The following EP400 variants were observed in gnomAD, a reference collection of about 807,000 sequenced individuals.
EP400 encodes E1A binding protein p400.
EP400 carries 105 observed loss-of-function variants against 354.1 expected under a neutral mutation model. That is an observed-to-expected ratio of 0.30 (90% confidence interval 0.25 to 0.35). The LOEUF (loss-of-function observed/expected upper bound fraction) is 0.35. Ranked by LOEUF, EP400 falls within the 10% of genes least tolerant of loss-of-function variation. EP400 has a pLI of 1.00. For synonymous variants in EP400, 1,646 were observed against 1,716.9 expected (o/e 0.96, Z 1.02); for missense variants, 3,280 against 4,121.0 (o/e 0.80, Z 5.59).
chr12:132,043,584 AG>A (rs1446589210), intron 33 of EP400, 60 bp from the exon 34 acceptor site: 7 of 1,581,014 alleles, frequency 4.4e-6, no homozygotes, highest in Non-Finnish European at 6.0e-6. Flanking sequence ...GGATTGTATA[AG>A]GAACTTGACT....
Position 132,050,808 on chromosome 12 carries a change from C to A in EP400, c.7394+153C>A. 1.1e-6 allele frequency: 1 copy of A among 885,950 alleles called. No homozygotes were observed. Among genetic ancestry groups the A allele is most frequent in the Non-Finnish European group, 1.8e-6 (1 of 556,788 alleles). 54.9% of individuals were successfully genotyped at this position (885,950 alleles called of 1,614,324 possible). ...GCGCAGAACCTGCAGGAGAGAGGTG[C>A]TTTTCCTGCCGTGGGCTAGGGTATG... On this transcript the variant is annotated intron_variant, in intron 41 of 52. Transcript: ENST00000389561. This position sits in a 1 kb window ranked among gnomAD's most constrained non-coding sequence, Gnocchi z 4.8.
At chr12:132,047,641 C>T (rs145817681) in intron 39 of EP400, among the ~76,000 whole-genome samples, 216 of 152,226 alleles carry the variant, frequency 1.4e-3, no homozygotes, top group African/African-American at 5.0e-3. Flanking sequence ...GGAGGCAGGG[C>T]GAGATCACAG....
chr12:131,963,735 T>C (rs1028809202), intron 2 of EP400: 5 of 929,618 alleles, frequency 5.4e-6, no homozygotes, highest in Admixed American at 5.9e-5. Context: ...CTCTTCAGCA[T>C]TTTTTTTCCA....
chr12:131,984,943 A>T (rs948507252), intron 5 of EP400, among the ~76,000 whole-genome samples: 2 of 152,162 alleles, frequency 1.3e-5, no homozygotes, highest in Non-Finnish European at 2.9e-5. Flanking sequence ...TCTCCTTAAG[A>T]ACAACAGTAG....
chr12:132,015,052 G>A (rs895755804), intron 19 of EP400, among the ~76,000 whole-genome samples: 4 of 152,250 alleles, frequency 2.6e-5, no homozygotes, highest in Non-Finnish European at 4.4e-5. Flanking sequence ...GTGCACTCAT[G>A]GGCTCGCCAG....
intron 12 of EP400, among the ~76,000 whole-genome samples, chr12:131,998,413 T>C (rs1198467975): frequency 6.6e-6 from 1 of 152,186 alleles, no homozygotes; most frequent in Non-Finnish European, 1.5e-5. Flanking sequence ...ATGATCAAAA[T>C]ATAGTTCTCC....
rs1420853235 is a variant in EP400 at position 132,011,634 on chromosome 12, G to C, written c.3441G>C (p.Gln1147His). Reference sequence around the variant, plus strand: ...ACAGAGAACTCAAAGCAAAGAGACAGGTATTTTTTTTTTAAACATAAAATA... The same window carrying C: ...ACAGAGAACTCAAAGCAAAGAGACACGTATTTTTTTTTTAAACATAAAATA... ...GSHRELKAKR[Q>H]EWAEPNSFHV... Residue 1147 changes from glutamine to histidine, a missense_variant and splice_region_variant, in exon 16 of 53, where the codon CAG (glutamine) becomes CAC (histidine). Transcript: ENST00000389561. 6.3e-7 allele frequency: 1 copy of C among 1,587,376 alleles called. No individual in the cohort carries two copies. Among genetic ancestry groups the C allele is most frequent in the Non-Finnish European group, 8.5e-7 (1 of 1,171,892 alleles).
At position 131,992,211 on chromosome 12, in the gene EP400, A is replaced by G. The variant is rs778858112; in HGVS notation, c.2718A>G (p.Ile906Met). The change falls in exon 11 of 53, where the codon ATA (isoleucine) becomes ATG (methionine). Residue 906 changes from isoleucine to methionine, a missense_variant. Transcript: ENST00000389561. Reference sequence around the variant, plus strand: ...CTGGAAGAAAAAGAAAAGCTAGCATATCTTTGACTGATGACGAAGGTCTGT... The same window carrying G: ...CTGGAAGAAAAAGAAAAGCTAGCATGTCTTTGACTGATGACGAAGGTCTGT... ...GMSGRKRKAS[I>M]SLTDDEVDDE... 1.2e-5 allele frequency: 19 copies of G among 1,610,552 alleles called. No individual in the cohort carries two copies. The South Asian group carries it at 2.0e-4, about 17-fold the overall frequency.
In EP400 at chr12:132,006,607, G is replaced by C. The variant is rs545525913; in HGVS notation, c.3127-93G>C. 1.0e-4 allele frequency: 131 copies of C among 1,269,188 alleles called. No homozygotes were observed. In the South Asian group the frequency reaches 1.8e-3, roughly 18 times the overall value. 78.6% of individuals were successfully genotyped at this position (1,269,188 alleles called of 1,614,324 possible). ...AGATCATTTTTGTGGCTTTCTAATT[G>C]GTTTATCATGTGACTGTTGATTTCA... On this transcript the variant is annotated intron_variant, in intron 14 of 52. Transcript: ENST00000389561.
chr12:131,987,671 G>GCC (rs1204734296), intron 6 of EP400, 34 bp from the exon 7 acceptor site: 1 of 1,527,322 alleles, frequency 6.5e-7, no homozygotes, highest in Non-Finnish European at 8.8e-7. Flanking sequence ...CTCATCACAT[G>GCC]CCGACCCCAC....
intron 2 of EP400, among the ~76,000 whole-genome samples, chr12:131,962,695 G>A (rs1214043732): frequency 6.6e-6 from 1 of 152,184 alleles, no homozygotes; most frequent in South Asian, 2.1e-4. Flanking sequence ...CCCTACCTGA[G>A]ATTTCTTAGT....
At position 132,037,673 on chromosome 12, in the gene EP400, T is replaced by G. The variant is rs747755713; in HGVS notation, c.5952-9T>G. ...GACTGACTTAGCATCTTACATCTTT[T>G]GTTTGCAGGCTTGTGAGTGGCAATT... On this transcript the variant is annotated splice_polypyrimidine_tract_variant and intron_variant, in intron 30 of 52. Transcript: ENST00000389561. 4 of 1,612,376 alleles carry G rather than the reference T, an allele frequency of 2.5e-6. No homozygotes were observed. In the Admixed American group the frequency reaches 6.7e-5, roughly 27 times the overall value.
chr12:132,036,961 G>A lies in EP400; in HGVS notation c.5952-721G>A, dbSNP rs544639300. On this transcript the variant is annotated intron_variant, in intron 30 of 52. Transcript: ENST00000389561. ...TTAATATTTAGGATCCTTTTAATTT[G>A]GAATTTTCTGAAAAAAATTTTGTTT... Among the ~76,000 whole-genome samples, 71 of 152,134 alleles carry A rather than the reference G, an allele frequency of 4.7e-4. 1 individual carries two copies. In the South Asian group the frequency reaches 0.015, roughly 31 times the overall value.
intron 51 of EP400, among the ~76,000 whole-genome samples, chr12:132,074,965 C>T (rs1157300073): frequency 6.6e-6 from 1 of 152,038 alleles, no homozygotes; most frequent in African/African-American, 2.4e-5. Flanking sequence ...GTTTTGCTTC[C>T]GCGGGCACCT....
intron 12 of EP400, among the ~76,000 whole-genome samples, chr12:132,001,485 A>G (rs1242567712): frequency 6.6e-6 from 1 of 152,202 alleles, no homozygotes; most frequent in African/African-American, 2.4e-5. Context: ...GAGTGTGACC[A>G]CTGAAGCACA....
chr12:131,956,113 C>G (rs748694492), intron 1 of EP400, among the ~76,000 whole-genome samples: 3 of 152,194 alleles, frequency 2.0e-5, no homozygotes, highest in African/African-American at 7.2e-5. Context: ...CCACCATTCT[C>G]CTTGTCCGGA....
In EP400 at chr12:132,013,941, C is replaced by G. The variant is rs1459080728; in HGVS notation, c.3923+28C>G. 4 of 1,609,748 alleles carry G rather than the reference C, an allele frequency of 2.5e-6. No individual in the cohort carries two copies. The African/African-American group carries it at 4.0e-5, about 16-fold the overall frequency. On this transcript the variant is annotated intron_variant, in intron 19 of 52. Coordinates refer to ENST00000389561, the MANE Select transcript of EP400 (RefSeq NM_015409.5). The surrounding 1 kb of genome is among the most constrained non-coding windows in gnomAD (Gnocchi z 4.5). ...GAGTGTGGGCTCTGGGCATGTGCCC[C>G]CTTTGCTGTCCCTGCCTGTGAGGGA...
chr12:132,053,855 C>CAGCTCCTTTTAGTGGAGGT (rs1329352258), intron 43 of EP400, among the ~76,000 whole-genome samples: 40 of 152,290 alleles, frequency 2.6e-4, no homozygotes, highest in Admixed American at 2.0e-3. Context: ...CAGGTAGAGG[C>CAGCTCCTTTTAGTGGAGGT]AGCTCCTTTT....
intron 19 of EP400, among the ~76,000 whole-genome samples, chr12:132,014,932 G>T (rs1397070486): frequency 6.6e-6 from 1 of 152,212 alleles, no homozygotes; most frequent in Non-Finnish European, 1.5e-5. Context: ...CCCGTCCTGG[G>T]TCTCCCTCTC....
Sources: allele counts gnomAD v4.1 joint callset (sites outside exome capture counted in the v4.1 genomes callset), GRCh38; gene constraint gnomAD v4.1.1; non-coding constraint Gnocchi (gnomAD v3.1); transcripts MANE v1.5; gene names NCBI Gene and HGNC (gene_info 2026-07-23, HGNC 2026-07-21).